Variants in APPBP2 observed in about 807,000 individuals in gnomAD.
APPBP2 encodes amyloid protein-binding protein 2.
A neutral mutation model predicts 76.0 loss-of-function variants in APPBP2; 15 were observed. The observed-to-expected ratio is 0.20, with a 90% CI of 0.13 to 0.30. The LOEUF (loss-of-function observed/expected upper bound fraction) is 0.30, where lower values mean the gene tolerates loss of function less well. Among genes scored for constraint, APPBP2 ranks in the 10% least tolerant of loss-of-function variants. APPBP2 has a pLI of 1.00. For missense variants in APPBP2, 401 were observed against 687.2 expected, an observed-to-expected ratio of 0.58 and a Z score of 4.66; for synonymous variants, 222 against 242.2, an observed-to-expected ratio of 0.92 and a Z score of 0.77.
intron 2 of APPBP2, 84 bp downstream of exon 2, chr17:60,500,315 G>T: frequency 2.1e-6 from 2 of 968,512 alleles, no homozygotes; most frequent in Non-Finnish European, 1.6e-6. Context: ...CCCACAATGT[G>T]AATATACTTA....
intron 3 of APPBP2, among the ~76,000 whole-genome samples, chr17:60,486,270 T>C (rs996342836): frequency 6.6e-6 from 1 of 152,178 alleles, no homozygotes; most frequent in Non-Finnish European, 1.5e-5. Context: ...TTCTGTCTCA[T>C]TGATCTGTCT....
At position 60,446,673 on chromosome 17, in the gene APPBP2, T is replaced by G. The variant is rs2090349750; in HGVS notation, c.*908A>C. On this transcript the variant is annotated 3_prime_UTR_variant, in exon 13 of 13. Transcript: ENST00000083182. ...CTTATGGCACTGCCATCTGTGTACC[T>G]TGACTAAAAATATGCCATTGAAATT... The G allele has an allele frequency of 6.6e-6, 1 of 152,240 alleles. No homozygotes were observed. Among genetic ancestry groups the G allele is most frequent in the Non-Finnish European group, 1.5e-5 (1 of 68,036 alleles). The allele number at this position is 152,240 out of a possible 1,614,324, so 9.4% of individuals were successfully genotyped here.
intron 12 of APPBP2, among the ~76,000 whole-genome samples, chr17:60,450,073 A>T (rs1454296832): frequency 6.6e-6 from 1 of 151,616 alleles, no homozygotes; most frequent in Non-Finnish European, 1.5e-5. Context: ...CTGGGATTAC[A>T]GGTGTGAGCC....
intron 1 of APPBP2, among the ~76,000 whole-genome samples, chr17:60,510,326 C>T (rs1293601659): frequency 6.6e-6 from 1 of 152,060 alleles, no homozygotes; most frequent in South Asian, 2.1e-4. Flanking sequence ...TCACTTGAGC[C>T]CTGAAGGTCA....
At chr17:60,476,387 A>G (rs939441798) in intron 4 of APPBP2, among the ~76,000 whole-genome samples, 1 of 152,206 alleles carries the variant, frequency 6.6e-6, no homozygotes, top group South Asian at 2.1e-4. Context: ...TGTGCAAAAC[A>G]CTTCTTTTCT....
intron 1 of APPBP2, among the ~76,000 whole-genome samples, chr17:60,524,081 G>A (rs998376312): frequency 2.0e-5 from 3 of 152,096 alleles, no homozygotes; most frequent in Non-Finnish European, 4.4e-5. Context: ...TACCAAAAAG[G>A]AGCAATATTA....
intron 4 of APPBP2, among the ~76,000 whole-genome samples, chr17:60,467,148 ATATT>A (rs149578440): frequency 0.082 from 12,453 of 151,936 alleles, 1,662 homozygotes; most frequent in African/African-American, 0.28. Flanking sequence ...GACTGGACAA[ATATT>A]TATTTATTTA....
chr17:60,457,657 T>C (rs925506798), intron 9 of APPBP2, among the ~76,000 whole-genome samples: 10 of 152,210 alleles, frequency 6.6e-5, no homozygotes, highest in Non-Finnish European at 1.5e-5. Flanking sequence ...CTCAAACTCC[T>C]GGGCTCAAGT....
chr17:60,513,487 C>A, intron 1 of APPBP2: 2 of 561,732 alleles, frequency 3.6e-6, no homozygotes, highest in Non-Finnish European at 6.6e-6. Flanking sequence ...AAGATGGACA[C>A]GAAGAAGGAG....
intron 4 of APPBP2, among the ~76,000 whole-genome samples, chr17:60,475,658 C>CAT (rs72259095): frequency 7.0e-6 from 1 of 143,506 alleles, no homozygotes; most frequent in Non-Finnish European, 1.5e-5. Flanking sequence ...TACACACACA[C>CAT]ACACACACAC....
At chr17:60,489,085 G>A (rs565573626) in intron 3 of APPBP2, among the ~76,000 whole-genome samples, 5 of 151,942 alleles carry the variant, frequency 3.3e-5, no homozygotes, top group South Asian at 2.1e-4. Flanking sequence ...AGCTGGGTAT[G>A]GTGGCAGGTG....
chr17:60,470,348 C>G (rs1353963873), intron 4 of APPBP2, among the ~76,000 whole-genome samples: 1 of 152,032 alleles, frequency 6.6e-6, no homozygotes, highest in Non-Finnish European at 1.5e-5. Flanking sequence ...CAGCCATGAT[C>G]TCCTGGGCTT....
Position 60,447,465 on chromosome 17 carries a change from G to C in APPBP2, c.*116C>G. The stretch of plus-strand genomic sequence containing the variant: ...GATCACCCAAAATAGGGTCTTCAAT[G>C]GACTGGACCAGTGTTTCAATGCAAA... On this transcript the variant is annotated 3_prime_UTR_variant, in exon 13 of 13. Transcript: ENST00000083182. The C allele has an allele frequency of 8.2e-7, 1 of 1,220,630 alleles. No homozygotes were observed. Among genetic ancestry groups the C allele is most frequent in the Non-Finnish European group, 1.1e-6 (1 of 879,974 alleles). The allele number at this position is 1,220,630 out of a possible 1,614,324, so 75.6% of individuals were successfully genotyped here. A position where few individuals can be genotyped will look rare whatever the true frequency, so the allele number is the denominator to read the frequency against.
chr17:60,490,782 GT>G (rs1287276401), intron 3 of APPBP2, among the ~76,000 whole-genome samples: 1 of 152,144 alleles, frequency 6.6e-6, no homozygotes. Context: ...AGATCTGATG[GT>G]TTTATAAGGG....
rs2090493962 is a variant in APPBP2 at position 60,464,102 on chromosome 17, T to C, written c.681A>G (p.Lys227=). 2 of 1,607,016 alleles carry C rather than the reference T, an allele frequency of 1.2e-6. No homozygotes were observed. Among genetic ancestry groups the C allele is most frequent in the South Asian group, 1.1e-5 (1 of 89,336 alleles). The stretch of plus-strand genomic sequence containing the variant: ...TTTCTTTCATTGCCTCGATGCACCA[T>C]TTGTATGCCTAAAAAAATTATTTAT... The part of the protein sequence containing the change: ...FAKSHYDEAY[K]WCIEAMKEIT... Residue 227 remains lysine (K), a synonymous_variant, in exon 6 of 13, where the codon AAA becomes AAG. Transcript: ENST00000083182.
At chr17:60,485,038 G>A (rs1186446079) in intron 3 of APPBP2, among the ~76,000 whole-genome samples, 2 of 152,020 alleles carry the variant, frequency 1.3e-5, no homozygotes, top group Non-Finnish European at 2.9e-5. Context: ...AACCAGCCTT[G>A]CATCCCAGGG....
chr17:60,510,422 A>G (rs1031676604), intron 1 of APPBP2, among the ~76,000 whole-genome samples: 1 of 151,926 alleles, frequency 6.6e-6, no homozygotes, highest in Non-Finnish European at 1.5e-5. Context: ...AATTTTAAAA[A>G]GTAAAAAACT....
At chr17:60,485,306 A>G (rs566107577) in intron 3 of APPBP2, among the ~76,000 whole-genome samples, 1 of 152,272 alleles carries the variant, frequency 6.6e-6, no homozygotes, top group East Asian at 1.9e-4. Flanking sequence ...GCTCTGGTAG[A>G]ATTTGGCTGT....
intron 1 of APPBP2, among the ~76,000 whole-genome samples, chr17:60,514,047 T>C (rs1461670053): frequency 2.1e-5 from 3 of 145,884 alleles, no homozygotes; most frequent in Non-Finnish European, 3.0e-5. Context: ...GCTCACACCA[T>C]TATAATCCCA....
Sources: allele counts gnomAD v4.1 joint callset (sites outside exome capture counted in the v4.1 genomes callset), GRCh38; gene constraint gnomAD v4.1.1; transcripts MANE v1.5; gene names NCBI Gene and HGNC (gene_info 2026-07-23, HGNC 2026-07-21).